PLCB1: variants seen among roughly 807,000 people sequenced by gnomAD.
PLCB1 encodes the protein 1-phosphatidylinositol 4,5-bisphosphate phosphodiesterase beta-1.
A neutral mutation model predicts 161.8 loss-of-function variants in PLCB1; 46 were observed. The observed-to-expected ratio is 0.28, with a 90% CI of 0.22 to 0.36. The LOEUF is 0.36. PLCB1 is among the 10% of genes least tolerant of loss of function. The pLI, the probability that PLCB1 is intolerant of heterozygous loss-of-function variation, is 1.00. For missense variants in PLCB1, 1,016 were observed against 1,472.5 expected (o/e 0.69, Z 5.07); for synonymous variants, 517 against 503.7 (o/e 1.03, Z -0.35).
intron 31 of PLCB1, among the ~76,000 whole-genome samples, chr20:8,879,615 G>T (rs1262514990): frequency 2.3e-5 from 3 of 130,146 alleles, no homozygotes; most frequent in Admixed American, 7.3e-5. Context: ...AAAAGAAAAA[G>T]AAAAAAAGGA....
chr20:8,472,693 A>G (rs1255155319), intron 3 of PLCB1, among the ~76,000 whole-genome samples: 1 of 152,056 alleles, frequency 6.6e-6, no homozygotes, highest in African/African-American at 2.4e-5. Context: ...AAAAAAAGTT[A>G]TCTTCGTCAT....
At chr20:8,826,735 A>G (rs906828854) in intron 31 of PLCB1, among the ~76,000 whole-genome samples, 10 of 152,228 alleles carry the variant, frequency 6.6e-5, no homozygotes, top group Admixed American at 5.2e-4. Context: ...TTTGCCAATG[A>G]TGATAGAAGT....
At chr20:8,638,827 A>T (rs1405950127) in intron 4 of PLCB1, among the ~76,000 whole-genome samples, 1 of 152,152 alleles carries the variant, frequency 6.6e-6, no homozygotes, top group East Asian at 1.9e-4. Context: ...ATTTTATAAG[A>T]TATATGAATA....
intron 3 of PLCB1, among the ~76,000 whole-genome samples, chr20:8,474,254 C>G (rs1035041462): frequency 2.8e-4 from 43 of 152,020 alleles, no homozygotes; most frequent in African/African-American, 9.9e-4. Context: ...AAAATACAAC[C>G]CAATGGCAGG....
At chr20:8,838,531 A>C (rs1986377334) in intron 31 of PLCB1, among the ~76,000 whole-genome samples, 1 of 152,344 alleles carries the variant, frequency 6.6e-6, no homozygotes, top group East Asian at 1.9e-4. Context: ...TGGAATAGAT[A>C]AATTCCCTGA....
intron 31 of PLCB1, among the ~76,000 whole-genome samples, chr20:8,819,771 T>G (rs2146262337): frequency 6.6e-6 from 1 of 152,236 alleles, no homozygotes; most frequent in South Asian, 2.1e-4. Flanking sequence ...CCACCAACAG[T>G]TTACAGTTGT....
chr20:8,543,851 C>T (rs1011998636), intron 3 of PLCB1, among the ~76,000 whole-genome samples: 3 of 152,142 alleles, frequency 2.0e-5, no homozygotes. Flanking sequence ...GCTCCTGCTG[C>T]ACTGTGAAGA....
chr20:8,429,377 G>A (rs1014347829), intron 3 of PLCB1, among the ~76,000 whole-genome samples: 2 of 152,152 alleles, frequency 1.3e-5, no homozygotes, highest in African/African-American at 4.8e-5. Flanking sequence ...CAGTGCCATT[G>A]GTAGCCAATG....
intron 2 of PLCB1, among the ~76,000 whole-genome samples, chr20:8,179,928 G>C (rs1171926168): frequency 1.5e-5 from 2 of 130,828 alleles, no homozygotes; most frequent in Non-Finnish European, 3.1e-5. Context: ...GCGGGATCTC[G>C]GCTCACTGCA....
chr20:8,353,760 G>GAC (rs1270399808), intron 2 of PLCB1, among the ~76,000 whole-genome samples: 1 of 152,106 alleles, frequency 6.6e-6, no homozygotes, highest in Admixed American at 6.6e-5. Flanking sequence ...ACCCTAAGAT[G>GAC]ACAGGTGGAC....
At chr20:8,582,103 T>G (rs985202795) in intron 3 of PLCB1, among the ~76,000 whole-genome samples, 2 of 152,170 alleles carry the variant, frequency 1.3e-5, no homozygotes, top group African/African-American at 2.4e-5. Flanking sequence ...GTTAAACATT[T>G]ACCAGGACAC....
intron 3 of PLCB1, among the ~76,000 whole-genome samples, chr20:8,581,494 A>G (rs547412692): frequency 6.6e-6 from 1 of 152,344 alleles, no homozygotes; most frequent in South Asian, 2.1e-4. Context: ...TCCTGAGTTC[A>G]AGATGACTGT....
intron 27 of PLCB1, among the ~76,000 whole-genome samples, chr20:8,779,182 G>A (rs1055100427): frequency 3.3e-5 from 5 of 152,054 alleles, no homozygotes; most frequent in African/African-American, 7.2e-5. Flanking sequence ...TCCACAGTTC[G>A]AGAGTTAAGA....
chr20:8,717,180 G>A (rs769764464), intron 13 of PLCB1, among the ~76,000 whole-genome samples: 8 of 152,314 alleles, frequency 5.3e-5, no homozygotes, highest in East Asian at 3.9e-4. Flanking sequence ...TGCCAGGGAC[G>A]TGCAGCTAAA....
chr20:8,728,601 A>G (rs1363121538), intron 17 of PLCB1, among the ~76,000 whole-genome samples: 2 of 152,044 alleles, frequency 1.3e-5, no homozygotes, highest in East Asian at 1.9e-4. Context: ...GCCAAACACA[A>G]TATCATTCTT....
intron 3 of PLCB1, among the ~76,000 whole-genome samples, chr20:8,509,007 A>T (rs946569367): frequency 6.6e-6 from 1 of 152,182 alleles, no homozygotes; most frequent in Non-Finnish European, 1.5e-5. Flanking sequence ...TTCCTTTATT[A>T]CTTGAACGGA....
At chr20:8,526,742 A>G (rs1201373530) in intron 3 of PLCB1, among the ~76,000 whole-genome samples, 2 of 152,098 alleles carry the variant, frequency 1.3e-5, no homozygotes, top group Non-Finnish European at 2.9e-5. Flanking sequence ...AATTTTAATG[A>G]AAAAATGGCC....
intron 3 of PLCB1, among the ~76,000 whole-genome samples, chr20:8,524,450 G>T (rs1441363925): frequency 6.6e-6 from 1 of 152,082 alleles, no homozygotes; most frequent in Non-Finnish European, 1.5e-5. Flanking sequence ...ATCGGTCATG[G>T]CACTTGTTTC....
intron 2 of PLCB1, among the ~76,000 whole-genome samples, chr20:8,184,654 G>A (rs2051881054): frequency 6.6e-6 from 1 of 151,634 alleles, no homozygotes; most frequent in Non-Finnish European, 1.5e-5. Context: ...AATGCAAAAA[G>A]TCTTCAGTTG....
Sources: gnomAD v4.1 joint callset for allele counts (sites outside exome capture counted in the v4.1 genomes callset) on GRCh38, gnomAD v4.1.1 for gene constraint, MANE v1.5 for transcripts, NCBI Gene and HGNC (gene_info 2026-07-23, HGNC 2026-07-21) for gene names.